Variants in SERPINE2 observed in about 807,000 individuals in gnomAD.
SERPINE2 encodes glia-derived nexin.
A neutral mutation model predicts 36.3 loss-of-function variants in SERPINE2; 14 were observed. The ratio of observed to expected loss-of-function variants is 0.39; its 90% CI spans 0.25 to 0.60. The LOEUF is 0.60. SERPINE2 is among the 20% of genes least tolerant of loss of function. The pLI, the probability that SERPINE2 is intolerant of heterozygous loss-of-function variation, is 0.57. For missense variants in SERPINE2, 418 were observed against 499.6 expected (o/e 0.84, Z 1.56); for synonymous variants, 192 against 191.8 (o/e 1.00, Z -0.01).
intron 3 of SERPINE2, among the ~76,000 whole-genome samples, chr2:223,993,486 C>A (rs79669036): frequency 0.012 from 1,853 of 151,794 alleles, 36 homozygotes; most frequent in African/African-American, 0.043. Context: ...CAGTAATGCC[C>A]AAAGCTATTA....
At chr2:224,034,945 G>A (rs142163640) in intron 1 of SERPINE2, among the ~76,000 whole-genome samples, 23 of 152,268 alleles carry the variant, frequency 1.5e-4, no homozygotes, top group African/African-American at 4.8e-4. Context: ...TAAAGATAGC[G>A]GAGAGCTCAT....
Position 224,001,637 on chromosome 2 carries a change from C to T in SERPINE2, c.259+5G>A, listed in dbSNP as rs2106164147. 3.7e-6 allele frequency: 6 copies of T among 1,611,212 alleles called. No homozygotes were observed. Among genetic ancestry groups the T allele is most frequent in the East Asian group, 2.2e-5 (1 of 44,838 alleles). On this transcript the variant is annotated splice_donor_5th_base_variant and intron_variant, in intron 2 of 8. Coordinates refer to ENST00000409304, the MANE Select transcript of SERPINE2 (RefSeq NM_001136528.2). ...CTCCGCCAGTGAGCAATTGTGCACA[C>T]GCACCATTTACGCCGTATCTCATCA...
intron 1 of SERPINE2, chr2:224,030,972 G>A: frequency 3.0e-6 from 3 of 985,392 alleles, no homozygotes; most frequent in Non-Finnish European, 3.6e-6. Flanking sequence ...TGATTCAAAC[G>A]TACCACACAG....
intron 4 of SERPINE2, among the ~76,000 whole-genome samples, chr2:223,990,888 G>A (rs980294449): frequency 6.6e-6 from 1 of 152,172 alleles, no homozygotes; most frequent in African/African-American, 2.4e-5. Flanking sequence ...TGAGGTGGGA[G>A]GATAGCTTGA....
intron 1 of SERPINE2, among the ~76,000 whole-genome samples, chr2:224,005,833 G>C (rs1691402029): frequency 6.6e-6 from 1 of 152,198 alleles, no homozygotes; most frequent in South Asian, 2.1e-4. Flanking sequence ...TTTCACAACA[G>C]TAAAAATAGG....
At chr2:224,013,073 A>G (rs1315222330) in intron 1 of SERPINE2, among the ~76,000 whole-genome samples, 3 of 152,218 alleles carry the variant, frequency 2.0e-5, no homozygotes, top group Admixed American at 6.5e-5. Flanking sequence ...CCAAATCTAC[A>G]TATTAGATAT....
chr2:223,982,913 T>C, intron 5 of SERPINE2, 132 bp from the exon 6 acceptor site: 1 of 609,358 alleles, frequency 1.6e-6, no homozygotes, highest in Non-Finnish European at 2.7e-6. Flanking sequence ...CATCTTAAAT[T>C]TGAATTCCAA....
chr2:223,990,945 T>C (rs1407765482), intron 4 of SERPINE2, among the ~76,000 whole-genome samples: 1 of 152,206 alleles, frequency 6.6e-6, no homozygotes, highest in Non-Finnish European at 1.5e-5. Flanking sequence ...GCCACTGTAG[T>C]CTAGCCTGGG....
intron 1 of SERPINE2, among the ~76,000 whole-genome samples, chr2:224,024,158 T>C: frequency 6.6e-6 from 1 of 152,208 alleles, no homozygotes; most frequent in East Asian, 1.9e-4. Context: ...GGGGAAGATA[T>C]GAGAAGACAA....
At chr2:224,025,219 C>A (rs1026678939) in intron 1 of SERPINE2, among the ~76,000 whole-genome samples, 1 of 152,188 alleles carries the variant, frequency 6.6e-6, no homozygotes, top group East Asian at 1.9e-4. Flanking sequence ...CACCTGCCCG[C>A]CCCTTGCCCA....
At chr2:224,033,233 T>G (rs990793773) in intron 1 of SERPINE2, among the ~76,000 whole-genome samples, 1 of 152,172 alleles carries the variant, frequency 6.6e-6, no homozygotes, top group African/African-American at 2.4e-5. Context: ...TTGACAAGAT[T>G]CAAGTATATG....
chr2:223,991,113 T>A (rs540880453), intron 4 of SERPINE2, among the ~76,000 whole-genome samples: 30 of 152,356 alleles, frequency 2.0e-4, no homozygotes, highest in African/African-American at 7.2e-4. Context: ...GAGATTGATA[T>A]CTGCTGTTTT....
chr2:223,983,441 G>A (rs1690299102), intron 5 of SERPINE2, among the ~76,000 whole-genome samples: 1 of 151,996 alleles, frequency 6.6e-6, no homozygotes, highest in Non-Finnish European at 1.5e-5. Context: ...TTTTAGTAGA[G>A]ACGGGGTTTT....
intron 4 of SERPINE2, among the ~76,000 whole-genome samples, chr2:223,991,002 A>G (rs1690643367): frequency 1.3e-5 from 2 of 152,146 alleles, no homozygotes; most frequent in African/African-American, 4.8e-5. Flanking sequence ...AAATTCAGAA[A>G]TAATTTTTCT....
At chr2:224,019,368 C>A (rs1691910476) in intron 1 of SERPINE2, among the ~76,000 whole-genome samples, 1 of 152,210 alleles carries the variant, frequency 6.6e-6, no homozygotes, top group Non-Finnish European at 1.5e-5. Context: ...AATTTTCAGA[C>A]TGCAGGTAAC....
intron 3 of SERPINE2, among the ~76,000 whole-genome samples, chr2:223,992,606 A>C (rs1690720987): frequency 6.6e-6 from 1 of 152,238 alleles, no homozygotes; most frequent in African/African-American, 2.4e-5. Flanking sequence ...ACAAAAAATC[A>C]GTGTCTTTGT....
intron 1 of SERPINE2, among the ~76,000 whole-genome samples, chr2:224,033,764 C>G (rs935403387): frequency 6.6e-6 from 1 of 151,888 alleles, no homozygotes; most frequent in Non-Finnish European, 1.5e-5. Context: ...CCACGAAATG[C>G]AGAGTGCAGC....
At chr2:224,009,565 C>T (rs1691551730) in intron 1 of SERPINE2, among the ~76,000 whole-genome samples, 1 of 152,080 alleles carries the variant, frequency 6.6e-6, no homozygotes, top group African/African-American at 2.4e-5. Flanking sequence ...TGTGGTAGCA[C>T]ATGCCTATAA....
At chr2:224,022,021 T>C (rs1692018919) in intron 1 of SERPINE2, among the ~76,000 whole-genome samples, 1 of 151,728 alleles carries the variant, frequency 6.6e-6, no homozygotes, top group African/African-American at 2.4e-5. Context: ...TAGCCGGGCA[T>C]GGTGGCGGGC....
Sources: allele counts gnomAD v4.1 joint callset (sites outside exome capture counted in the v4.1 genomes callset), GRCh38; gene constraint gnomAD v4.1.1; transcripts MANE v1.5; gene names NCBI Gene and HGNC (gene_info 2026-07-23, HGNC 2026-07-21).